Variants in VIPR2 observed in about 807,000 individuals in gnomAD.
VIPR2 encodes the protein vasoactive intestinal peptide receptor 2.
In VIPR2, 48 loss-of-function variants were observed where a neutral mutation model predicts 58.0. That is an observed-to-expected ratio of 0.83 (90% confidence interval 0.66 to 1.05). VIPR2 has a LOEUF of 1.05. Ranked by LOEUF, VIPR2 falls within the 50% of genes least tolerant of loss-of-function variation. The probability of loss-of-function intolerance (pLI) is 0.00; values close to 1 mark genes in which losing one functional copy is unlikely to be tolerated. For missense variants in VIPR2, 534 were observed against 558.0 expected (o/e 0.96, Z 0.43); for synonymous variants, 243 against 235.2 (o/e 1.03, Z -0.30).
rs1374930339 is a variant in VIPR2, at chr7:159,036,876, G to A, written c.624C>T (p.Phe208=). 1 of 1,613,050 alleles carries A rather than the reference G, an allele frequency of 6.2e-7. No individual in the cohort carries two copies. The highest frequency in any genetic ancestry group is 8.5e-7 in the Non-Finnish European group (1 of 1,179,232). The change falls in exon 7 of 13, where the codon TTC becomes TTT. Residue 208 remains phenylalanine, a synonymous_variant. Transcript: ENST00000262178. ...AGTTGGCCATGATGCAGTACTGCAG[G>A]AAGACCAGGCTCAGCTTGCAGCCCA... ...SWVGCKLSLV[F]LQYCIMANFF...
At chr7:159,094,405 A>G (rs913609509) in intron 4 of VIPR2, among the ~76,000 whole-genome samples, 3 of 152,218 alleles carry the variant, frequency 2.0e-5, no homozygotes, top group Admixed American at 6.5e-5. Context: ...CTCAGCCCTC[A>G]GGAGCCCTTG....
At chr7:159,043,235 GAA>G in intron 5 of VIPR2, 59 bp from the exon 6 acceptor site, 1 of 1,326,520 alleles carries the variant, frequency 7.5e-7, no homozygotes, top group Non-Finnish European at 1.1e-6. Flanking sequence ...GAGGGAGAGA[GAA>G]CCAGACAGAG....
rs369740756 is a variant in VIPR2, at chr7:159,058,450, C to T, written c.455+31G>A. 68 of 1,591,116 alleles carry T rather than the reference C, an allele frequency of 4.3e-5. No homozygotes were observed. In the East Asian group the frequency reaches 4.9e-4, roughly 12 times the overall value. Reference sequence around the variant, plus strand: ...ATGGAAACTTTGCTTGTCTTGTATTCTTTGCAGAATTACTAATTTCTGCTC... The same window carrying T: ...ATGGAAACTTTGCTTGTCTTGTATTTTTTGCAGAATTACTAATTTCTGCTC... On this transcript the variant is annotated intron_variant, in intron 5 of 12. Coordinates refer to ENST00000262178, the MANE Select transcript of VIPR2 (RefSeq NM_003382.5).
intron 1 of VIPR2, among the ~76,000 whole-genome samples, chr7:159,143,279 G>C (rs1353866033): frequency 6.6e-6 from 1 of 152,162 alleles, no homozygotes; most frequent in African/African-American, 2.4e-5. Flanking sequence ...TGTTCTTCAC[G>C]CCCTCCGCGA....
At chr7:159,082,337 C>T (rs1185850039) in intron 4 of VIPR2, among the ~76,000 whole-genome samples, 4 of 152,128 alleles carry the variant, frequency 2.6e-5, no homozygotes, top group African/African-American at 9.7e-5. Context: ...AAGCTGGAAA[C>T]CATCATTCTC....
intron 6 of VIPR2, among the ~76,000 whole-genome samples, chr7:159,037,416 G>A (rs1236052786): frequency 6.6e-6 from 1 of 152,254 alleles, no homozygotes; most frequent in Non-Finnish European, 1.5e-5. Context: ...AACAGAACAC[G>A]AGTGCAGGTA....
At chr7:159,061,166 G>A (rs1171225246) in intron 4 of VIPR2, among the ~76,000 whole-genome samples, 2 of 152,100 alleles carry the variant, frequency 1.3e-5, no homozygotes, top group Non-Finnish European at 2.9e-5. Context: ...GTAAGTGGGA[G>A]CAAAACACGG....
rs560853472 is a variant in VIPR2 at position 159,076,240 on chromosome 7, A to G, written c.358-17662T>C. Among the ~76,000 whole-genome samples, 10 of 152,340 alleles carry G rather than the reference A, an allele frequency of 6.6e-5. No individual in the cohort carries two copies. In the South Asian group the frequency reaches 2.1e-3, roughly 32 times the overall value. The stretch of plus-strand genomic sequence containing the variant: ...ACTTTGGGGAACCTTTAACATTTAC[A>G]TATTAGAAAAGAAAAAAACAAAAAT... On this transcript the variant is annotated intron_variant, in intron 4 of 12. Transcript: ENST00000262178.
chr7:159,059,715 ATTAACCACCACCCTCACCTCAC>A lies in VIPR2; in HGVS notation c.358-1159_358-1138del, dbSNP rs1855522796. Among the ~76,000 whole-genome samples the A allele has an allele frequency of 2.3e-5, 3 of 133,038 alleles. No individual in the cohort carries two copies. In the Admixed American group the frequency reaches 2.3e-4, roughly 10 times the overall value. 87.3% of individuals were successfully genotyped at this position (133,038 alleles called of 152,430 possible). On this transcript the variant is annotated intron_variant, in intron 4 of 12. Transcript: ENST00000262178. ...CCGACTCCACTCACGAGAATATGTC[ATTAACCACCACCCTCACCTCAC>A]CTAACCACCACTCTCAACTTATCTA...
chr7:159,039,966 C>T (rs1476194598), intron 6 of VIPR2, among the ~76,000 whole-genome samples: 1 of 152,228 alleles, frequency 6.6e-6, no homozygotes. Context: ...CGCCTGAAAG[C>T]AGGCGCCGAC....
intron 4 of VIPR2, among the ~76,000 whole-genome samples, chr7:159,080,854 A>G (rs1189085206): frequency 6.6e-6 from 1 of 152,098 alleles, no homozygotes; most frequent in African/African-American, 2.4e-5. Context: ...TCATGAGTGA[A>G]CTCCCAGTCA....
At chr7:159,063,315 G>A (rs1388903741) in intron 4 of VIPR2, among the ~76,000 whole-genome samples, 1 of 152,092 alleles carries the variant, frequency 6.6e-6, no homozygotes, top group Non-Finnish European at 1.5e-5. Flanking sequence ...GCGAGAATTC[G>A]AGCACACTGC....
chr7:159,050,130 A>C (rs894152922), intron 5 of VIPR2, among the ~76,000 whole-genome samples: 8 of 152,238 alleles, frequency 5.3e-5, no homozygotes, highest in Admixed American at 1.3e-4. Flanking sequence ...TGAGATCAGG[A>C]GCTTGAGACC....
chr7:159,028,201 A>C lies in VIPR2; in HGVS notation c.*2415T>G, dbSNP rs577768848. 6.5e-6 allele frequency: 1 copy of C among 152,796 alleles called. No homozygotes were observed. The highest frequency in any genetic ancestry group is 2.4e-5 in the African/African-American group (1 of 41,598). 9.5% of individuals were successfully genotyped at this position (152,796 alleles called of 1,614,324 possible). On this transcript the variant is annotated 3_prime_UTR_variant, in exon 13 of 13. Transcript: ENST00000262178. ...GCAGATGTGAAGTCAGGCTTTATTG[A>C]AGTATTTACACAGCTCATTCCCGCC...
In VIPR2 at chr7:159,031,584, G is replaced by C; in HGVS notation, c.1143+244C>G. 2 of 985,384 alleles carry C rather than the reference G, an allele frequency of 2.0e-6. No individual in the cohort carries two copies. The highest frequency in any genetic ancestry group is 2.4e-6 in the Non-Finnish European group (2 of 829,916). The allele number at this position is 985,384 out of a possible 1,614,324, so 61.0% of individuals were successfully genotyped here. A position where few individuals can be genotyped will look rare whatever the true frequency, so the allele number is the denominator to read the frequency against. On this transcript the variant is annotated intron_variant, in intron 12 of 12. Transcript: ENST00000262178. The surrounding 1 kb of genome is among the most constrained non-coding windows in gnomAD (Gnocchi z 4.0). ...AGCTTTCCCGAGAGGGCTCCGAGAC[G>C]GACGGCAGTCGATGCTACTTAGGGT...
chr7:159,112,591 C>T (rs1796058690), intron 2 of VIPR2, among the ~76,000 whole-genome samples: 1 of 152,214 alleles, frequency 6.6e-6, no homozygotes. Flanking sequence ...GAGAGACAGG[C>T]CATCGGTACC....
intron 2 of VIPR2, among the ~76,000 whole-genome samples, chr7:159,137,357 T>C (rs1160686010): frequency 6.6e-6 from 1 of 152,108 alleles, no homozygotes; most frequent in Non-Finnish European, 1.5e-5. Flanking sequence ...CTATAAAAAG[T>C]AAATATAAAG....
chr7:159,113,248 A>G (rs535569555), intron 2 of VIPR2, among the ~76,000 whole-genome samples: 1 of 152,300 alleles, frequency 6.6e-6, no homozygotes, highest in East Asian at 1.9e-4. Flanking sequence ...TGTTATCTAT[A>G]GATTGCAGAC....
At chr7:159,110,412 C>T (rs1386552764) in intron 2 of VIPR2, among the ~76,000 whole-genome samples, 3 of 152,242 alleles carry the variant, frequency 2.0e-5, no homozygotes, top group Non-Finnish European at 4.4e-5. Context: ...AAATAATTTG[C>T]ATAATGCATA....
Sources: gnomAD v4.1 joint callset for allele counts (sites outside exome capture counted in the v4.1 genomes callset) on GRCh38, gnomAD v4.1.1 for gene constraint, Gnocchi (gnomAD v3.1) non-coding constraint, MANE v1.5 for transcripts, NCBI Gene and HGNC (gene_info 2026-07-23, HGNC 2026-07-21) for gene names.